SMG7: variants seen among roughly 807,000 people sequenced by gnomAD.
The protein encoded by SMG7 is SMG7 nonsense mediated mRNA decay factor.
In SMG7, 34 loss-of-function variants were observed where a neutral mutation model predicts 148.2. The ratio of observed to expected loss-of-function variants is 0.23; its 90% CI spans 0.17 to 0.31. The LOEUF is 0.31. Among genes scored for constraint, SMG7 ranks in the 10% least tolerant of loss-of-function variants. The pLI is 1.00. For missense variants in SMG7, 1,114 were observed against 1,408.4 expected, an observed-to-expected ratio of 0.79 and a Z score of 3.35; for synonymous variants, 492 against 515.1, an observed-to-expected ratio of 0.96 and a Z score of 0.61.
At chr1:183,510,323 G>T (rs1224720619) in intron 1 of SMG7, among the ~76,000 whole-genome samples, 2 of 152,096 alleles carry the variant, frequency 1.3e-5, no homozygotes, top group Non-Finnish European at 2.9e-5. Context: ...TTGTGACATT[G>T]GTAGGATAGG....
Position 183,542,219 on chromosome 1 carries a change from G to A in SMG7, c.1559G>A (p.Ser520Asn), listed in dbSNP as rs1668998780. The A allele has an allele frequency of 6.2e-7, 1 of 1,613,962 alleles. No individual in the cohort carries two copies. Among genetic ancestry groups the A allele is most frequent in the Admixed American group, 1.7e-5 (1 of 59,988 alleles). Residue 520 changes from serine to asparagine, a missense_variant, in exon 14 of 23, where the codon AGC (serine) becomes AAC (asparagine). This residue lies in a region of SMG7 where 788 missense variants were observed against 894.5 expected (regional missense o/e 0.88). Coordinates refer to ENST00000688051, the MANE Select transcript of SMG7 (RefSeq NM_001375584.1). Reference sequence around the variant, plus strand: ...ATAGAGTCGCTGGCTGCAGATGGGAGCCCAGGGCTAAAATCAGTGCTATCT... The same window carrying A: ...ATAGAGTCGCTGGCTGCAGATGGGAACCCAGGGCTAAAATCAGTGCTATCT... The part of the protein sequence containing the change: ...SVIESLAADG[S>N]PGLKSVLSTS...
intron 4 of SMG7, among the ~76,000 whole-genome samples, chr1:183,522,506 ATATTTCTT>A (rs1298463194): frequency 6.6e-6 from 1 of 152,214 alleles, no homozygotes; most frequent in Non-Finnish European, 1.5e-5. Context: ...AATGAATACC[ATATTTCTT>A]CATTTCTGAA....
Position 183,552,239 on chromosome 1 carries a change from C to CCA in SMG7, c.*311_*312dup. ...CCTTCTCCATCGTGCATGTCCCCAG[C>CCA]CACATGGGAAGTGAAAGCTGAGAAG... On this transcript the variant is annotated 3_prime_UTR_variant, in exon 23 of 23. Coordinates refer to ENST00000688051, the MANE Select transcript of SMG7 (RefSeq NM_001375584.1). 4 of 1,044,572 alleles carry CCA rather than the reference C, an allele frequency of 3.8e-6. No homozygotes were observed. The highest frequency in any genetic ancestry group is 4.6e-6 in the Non-Finnish European group (4 of 868,570). The allele number at this position is 1,044,572 out of a possible 1,614,324, so 64.7% of individuals were successfully genotyped here.
intron 12 of SMG7, 85 bp downstream of exon 12, chr1:183,538,525 C>G: frequency 1.1e-6 from 1 of 911,378 alleles, no homozygotes; most frequent in Non-Finnish European, 1.8e-6. Context: ...TGTAGAGGAA[C>G]CTTTGATCTG....
intron 4 of SMG7, among the ~76,000 whole-genome samples, chr1:183,521,508 A>G (rs1254984065): frequency 6.6e-6 from 1 of 152,194 alleles, no homozygotes. Flanking sequence ...CATATTTAGC[A>G]CCAGATTGAG....
intron 18 of SMG7, 161 bp from the exon 19 acceptor site, chr1:183,549,047 G>A: frequency 1.6e-6 from 1 of 608,404 alleles, no homozygotes; most frequent in Non-Finnish European, 2.9e-6. Context: ...CTTAGGCGGT[G>A]TCTTGGTGTT....
intron 10 of SMG7, 60 bp downstream of exon 10, chr1:183,533,892 T>A: frequency 6.9e-7 from 1 of 1,448,618 alleles, no homozygotes. Context: ...TATCCATAAA[T>A]ATGTAAAAAC....
chr1:183,504,327 T>TTATG (rs1243756359), intron 1 of SMG7, among the ~76,000 whole-genome samples: 41 of 150,768 alleles, frequency 2.7e-4, no homozygotes, highest in African/African-American at 9.8e-4. Flanking sequence ...ATATCTTGAT[T>TTATG]TATTTATTTA....
intron 1 of SMG7, among the ~76,000 whole-genome samples, chr1:183,488,755 C>T (rs1162858585): frequency 7.3e-6 from 1 of 136,822 alleles, no homozygotes; most frequent in Non-Finnish European, 1.5e-5. Context: ...GCAGTCTCAG[C>T]TCACTGCAAC....
intron 1 of SMG7, among the ~76,000 whole-genome samples, chr1:183,487,541 TG>T (rs1473713040): frequency 6.6e-6 from 1 of 152,220 alleles, no homozygotes; most frequent in Non-Finnish European, 1.5e-5. Flanking sequence ...CTATACAGCC[TG>T]GAACAGTGCC....
intron 4 of SMG7, among the ~76,000 whole-genome samples, chr1:183,523,156 G>C (rs995353963): frequency 6.6e-6 from 1 of 152,142 alleles, no homozygotes; most frequent in African/African-American, 2.4e-5. Flanking sequence ...CAAAAAGAAA[G>C]TATAATCACT....
At chr1:183,498,527 CTG>C (rs1354683502) in intron 1 of SMG7, among the ~76,000 whole-genome samples, 1 of 152,206 alleles carries the variant, frequency 6.6e-6, no homozygotes. Flanking sequence ...ACAAAAAACA[CTG>C]TTTCTTTTTC....
At chr1:183,478,122 G>A (rs963872600) in intron 1 of SMG7, among the ~76,000 whole-genome samples, 3 of 152,024 alleles carry the variant, frequency 2.0e-5, no homozygotes, top group Non-Finnish European at 4.4e-5. Context: ...AGCATTGGGA[G>A]GAATATATAA....
intron 1 of SMG7, among the ~76,000 whole-genome samples, chr1:183,500,018 A>G (rs1485756962): frequency 1.3e-5 from 2 of 152,166 alleles, no homozygotes; most frequent in Non-Finnish European, 2.9e-5. Context: ...AAAAAGGACT[A>G]TTTTTAAAAA....
At chr1:183,548,894 A>G (rs1259443920) in intron 18 of SMG7, 2 of 324,332 alleles carry the variant, frequency 6.2e-6, no homozygotes, top group Non-Finnish European at 1.1e-5. Flanking sequence ...ATTAAGTGCA[A>G]CTATTGACAA....
chr1:183,472,664 C>T lies in SMG7; in HGVS notation c.29+15C>T, dbSNP rs1014198942. 9 of 1,461,100 alleles carry T rather than the reference C, an allele frequency of 6.2e-6. No homozygotes were observed. The African/African-American group carries it at 1.3e-4, about 21-fold the overall frequency. 90.5% of individuals were successfully genotyped at this position (1,461,100 alleles called of 1,614,324 possible). ...CAGTACCTCCGGTGAGTGCCGAGGC[C>T]GGGCTGGTACGTAGGGGGAGCGGGC... On this transcript the variant is annotated intron_variant, in intron 1 of 22. Coordinates refer to ENST00000688051, the MANE Select transcript of SMG7 (RefSeq NM_001375584.1).
At chr1:183,542,910 C>T in intron 14 of SMG7, among the ~76,000 whole-genome samples, 1 of 143,456 alleles carries the variant, frequency 7.0e-6, no homozygotes. Flanking sequence ...TTTTTAGATT[C>T]ACTATAATAT....
In SMG7 at chr1:183,549,800, T is replaced by C. The variant is rs1478279983; in HGVS notation, c.3010T>C (p.Tyr1004His). Residue 1004 changes from tyrosine to histidine, a missense_variant, in exon 20 of 23, where the codon TAT becomes CAT. By Grantham distance (83) the Tyr-to-His change is moderately conservative (BLOSUM62 2). Transcript: ENST00000688051. ...AAATAATAGTATGTTCAATGAGGTA[T>C]ATGGGAAAAACCTGACATCCAGCTC... ...YPNNSMFNEV[Y>H]GKNLTSSSKA... 6 of 1,613,808 alleles carry C rather than the reference T, an allele frequency of 3.7e-6. No homozygotes were observed. The highest frequency in any genetic ancestry group is 5.1e-6 in the Non-Finnish European group (6 of 1,179,734).
chr1:183,553,062 G>T lies in SMG7; in HGVS notation c.*1131G>T. 6.5e-7 allele frequency: 1 copy of T among 1,536,208 alleles called. No individual in the cohort carries two copies. The highest frequency in any genetic ancestry group is 8.7e-7 in the Non-Finnish European group (1 of 1,146,936). On this transcript the variant is annotated 3_prime_UTR_variant, in exon 23 of 23. Transcript: ENST00000688051. ...AGCAGTATCTGCGTAGCCCACAGAG[G>T]GCCCAGGCCCCTGCCCAGCTGCAGT...
Sources: allele counts gnomAD v4.1 joint callset (sites outside exome capture counted in the v4.1 genomes callset), GRCh38; gene constraint gnomAD v4.1.1; regional missense constraint gnomAD v4.1.1; transcripts MANE v1.5; gene names NCBI Gene and HGNC (gene_info 2026-07-23, HGNC 2026-07-21).